Variants in RDH11 observed in about 807,000 individuals in gnomAD.
The protein encoded by RDH11 is HCV core-binding protein HCBP12.
A neutral mutation model predicts 33.4 loss-of-function variants in RDH11; 19 were observed. The observed-to-expected ratio is 0.57, with a 90% CI of 0.40 to 0.83. RDH11 has a LOEUF of 0.83. Ranked by LOEUF, RDH11 falls within the 40% of genes least tolerant of loss-of-function variation. The pLI, the probability that RDH11 is intolerant of heterozygous loss-of-function variation, is 0.00. For synonymous variants in RDH11, 154 were observed against 155.3 expected, an observed-to-expected ratio of 0.99 and a Z score of 0.06; for missense variants, 353 against 389.0, an observed-to-expected ratio of 0.91 and a Z score of 0.78.
At chr14:67,684,784 G>A (rs1025703753) in intron 6 of RDH11, 6 of 357,714 alleles carry the variant, frequency 1.7e-5, no homozygotes, top group African/African-American at 4.2e-5. Context: ...ACAAAGACAG[G>A]AAGAAAACAA....
chr14:67,687,001 T>G lies in RDH11; in HGVS notation c.665-1797A>C, dbSNP rs563165843. Among the ~76,000 whole-genome samples, 5 of 152,232 alleles carry G rather than the reference T, an allele frequency of 3.3e-5. No individual in the cohort carries two copies. In the East Asian group the frequency reaches 7.7e-4, roughly 24 times the overall value. ...GCAGACTCAGAGGTCCCAAATTGAT[T>G]TCTACTTTTAAAGCCAAACCTGGTT... On this transcript the variant is annotated intron_variant, in intron 5 of 6. Transcript: ENST00000381346.
At position 67,691,254 on chromosome 14, in the gene RDH11, C is replaced by A. The variant is rs186591725; in HGVS notation, c.350-10G>T. The A allele has an allele frequency of 6.2e-7, 1 of 1,602,558 alleles. No homozygotes were observed. The highest frequency in any genetic ancestry group is 8.5e-7 in the Non-Finnish European group (1 of 1,170,124). On this transcript the variant is annotated splice_polypyrimidine_tract_variant and intron_variant, in intron 3 of 6. Coordinates refer to ENST00000381346, the MANE Select transcript of RDH11 (RefSeq NM_016026.4). The stretch of plus-strand genomic sequence containing the variant: ...TGGAGGTGCTTTTCCTCTGCAGGGA[C>A]AAGACGATGGAGCGTGGAAGTGGCT...
At position 67,690,396 on chromosome 14, in the gene RDH11, C is replaced by T; in HGVS notation, c.480G>A (p.Leu160=). 6.2e-7 allele frequency: 1 copy of T among 1,614,148 alleles called. No individual in the cohort carries two copies. Among genetic ancestry groups the T allele is most frequent in the South Asian group, 1.1e-5 (1 of 91,084 alleles). Residue 160 remains leucine, a synonymous_variant, in exon 5 of 7, where the codon CTG becomes CTA. Transcript: ENST00000381346. ...GGGCTGATTCCTTTAGTTTCTCTAG[C>T]AGCAGATGGGTTAGGAGGAAGTGAC... The part of the protein sequence containing the change: ...HLGHFLLTHL[L]LEKLKESAPS...
rs1478957103 is a variant in RDH11, at chr14:67,695,655, G to A, written c.49C>T (p.Leu17=). The A allele has an allele frequency of 6.2e-7, 1 of 1,614,192 alleles. No homozygotes were observed. Among genetic ancestry groups the A allele is most frequent in the Non-Finnish European group, 8.5e-7 (1 of 1,180,020 alleles). Residue 17 remains leucine (L), a synonymous_variant, in exon 1 of 7, where the codon CTG becomes TTG. Transcript: ENST00000381346. ...PLLLLLLPFL[L]YMAAPQIRKM... is the part of the protein sequence containing the mutation. ...CTGATTTGGGGCGCAGCCATATACAGAAGGAAGGGCAGAAGGAGGAGCAAC... is the reference window on the plus strand; with the variant it reads ...CTGATTTGGGGCGCAGCCATATACAAAAGGAAGGGCAGAAGGAGGAGCAAC...
intron 5 of RDH11, chr14:67,686,285 C>A (rs1033503812): frequency 4.6e-5 from 7 of 152,216 alleles, no homozygotes; most frequent in African/African-American, 1.4e-4. Context: ...ATAATACTTA[C>A]AACCTCACAG....
intron 1 of RDH11, among the ~76,000 whole-genome samples, chr14:67,694,567 T>C (rs2037803571): frequency 6.6e-6 from 1 of 151,624 alleles, no homozygotes; most frequent in African/African-American, 2.4e-5. Flanking sequence ...CTATTTTCAG[T>C]TCTGGTTCAA....
intron 6 of RDH11, 123 bp downstream of exon 6, chr14:67,684,892 C>A: frequency 1.4e-6 from 1 of 692,404 alleles, no homozygotes; most frequent in Non-Finnish European, 2.3e-6. Flanking sequence ...GGTAAAAACT[C>A]TAGAGTTAAA....
chr14:67,680,907 C>T (rs2037607597), intron 6 of RDH11, among the ~76,000 whole-genome samples: 1 of 152,180 alleles, frequency 6.6e-6, no homozygotes, highest in Admixed American at 6.5e-5. Context: ...TAGTGTGATA[C>T]TGGCATAAGG....
rs1252395181 is a variant in RDH11, at chr14:67,677,060, ACT to A, written c.*1259_*1260del. On this transcript the variant is annotated 3_prime_UTR_variant, in exon 7 of 7. Coordinates refer to ENST00000381346, the MANE Select transcript of RDH11 (RefSeq NM_016026.4). ...CAGAAGTGAAGACTGTGGTCCTATAACTCTTTCCCCCACCAAAGTTAAAATAT... is the reference window on the plus strand; with the variant it reads ...CAGAAGTGAAGACTGTGGTCCTATAACTTTCCCCCACCAAAGTTAAAATAT... 6.6e-6 allele frequency: 1 copy of A among 152,144 alleles called. No homozygotes were observed. Among genetic ancestry groups the A allele is most frequent in the Non-Finnish European group, 1.5e-5 (1 of 68,028 alleles). The allele number at this position is 152,144 out of a possible 1,614,324, so 9.4% of individuals were successfully genotyped here.
chr14:67,678,619 C>T (rs759543020), intron 6 of RDH11, among the ~76,000 whole-genome samples, 196 bp from the exon 7 acceptor site: 2 of 152,194 alleles, frequency 1.3e-5, no homozygotes, highest in African/African-American at 2.4e-5. Context: ...TAGATCTCCT[C>T]GCTAGACCAC....
At chr14:67,686,142 A>G (rs1349967708) in intron 5 of RDH11, 1 of 152,160 alleles carries the variant, frequency 6.6e-6, no homozygotes, top group Non-Finnish European at 1.5e-5. Flanking sequence ...AGTCAACACA[A>G]TGTGGTGGTT....
intron 5 of RDH11, among the ~76,000 whole-genome samples, chr14:67,687,777 T>C (rs1410856560): frequency 4.7e-5 from 7 of 150,440 alleles, no homozygotes; most frequent in Non-Finnish European, 8.9e-5. Context: ...GGCCCTTTTT[T>C]TTTTTCATTT....
rs113620422 is a variant in RDH11 at position 67,695,090 on chromosome 14, A to G, written c.74+540T>C. On this transcript the variant is annotated intron_variant, in intron 1 of 6. Transcript: ENST00000381346. ...CTGCTCGCAAGGCAGGATAGAGCTC[A>G]TAACCAAACACTCTTCCTTTTCACT... 8.1e-4 allele frequency among the ~76,000 whole-genome samples: 123 copies of G among 152,308 alleles called. 2 individuals carry two copies. The highest frequency in any genetic ancestry group is 2.7e-3 in the African/African-American group (111 of 41,566).
chr14:67,690,216 T>C lies in RDH11; in HGVS notation c.660A>G (p.Leu220=). The change falls in exon 5 of 7, where the codon CTA becomes CTG. Residue 220 remains leucine (L), a synonymous_variant. Coordinates refer to ENST00000381346, the MANE Select transcript of RDH11 (RefSeq NM_016026.4). ...ATTCATTTCCTCTAGGCCCACCTTTTAGTCTCCGGGCCAGTTCCTGGGTGA... is the reference window on the plus strand; with the variant it reads ...ATTCATTTCCTCTAGGCCCACCTTTCAGTCTCCGGGCCAGTTCCTGGGTGA... ...ILFTQELARR[L]KGSGVTTYSV... 4 of 1,612,986 alleles carry C rather than the reference T, an allele frequency of 2.5e-6. No individual in the cohort carries two copies. Among genetic ancestry groups the C allele is most frequent in the Non-Finnish European group, 3.4e-6 (4 of 1,179,832 alleles).
chr14:67,690,868 A>G (rs2037741047), intron 4 of RDH11: 1 of 451,324 alleles, frequency 2.2e-6, no homozygotes, highest in Non-Finnish European at 4.0e-6. Context: ...AAGGATCACT[A>G]CTAAGAAAGC....
intron 1 of RDH11, among the ~76,000 whole-genome samples, chr14:67,694,595 A>G (rs2037803836): frequency 6.6e-6 from 1 of 151,054 alleles, no homozygotes; most frequent in African/African-American, 2.4e-5. Flanking sequence ...TTGAGATTCT[A>G]TGTGGATAAG....
intron 1 of RDH11, 87 bp downstream of exon 1, chr14:67,695,543 T>C: frequency 7.2e-7 from 1 of 1,384,594 alleles, no homozygotes; most frequent in Non-Finnish European, 9.9e-7. Flanking sequence ...CAGGGGAGTT[T>C]TCCAAGAAAG....
chr14:67,687,412 G>A (rs1037531953), intron 5 of RDH11, among the ~76,000 whole-genome samples: 6 of 140,338 alleles, frequency 4.3e-5, no homozygotes, highest in Non-Finnish European at 8.1e-5. Context: ...AACTGAGCCC[G>A]GACCTTTGTA....
chr14:67,677,070 C>T lies in RDH11; in HGVS notation c.*1251G>A, dbSNP rs553532336. The T allele has an allele frequency of 6.6e-6, 1 of 152,238 alleles. No homozygotes were observed. Among genetic ancestry groups the T allele is most frequent in the Non-Finnish European group, 1.5e-5 (1 of 67,996 alleles). The allele number at this position is 152,238 out of a possible 1,614,324, so 9.4% of individuals were successfully genotyped here. A position where few individuals can be genotyped will look rare whatever the true frequency, so the allele number is the denominator to read the frequency against. ...GACTGTGGTCCTATAACTCTTTCCCCCACCAAAGTTAAAATATAATTGTCA... is the reference window on the plus strand; with the variant it reads ...GACTGTGGTCCTATAACTCTTTCCCTCACCAAAGTTAAAATATAATTGTCA... On this transcript the variant is annotated 3_prime_UTR_variant, in exon 7 of 7. Coordinates refer to ENST00000381346, the MANE Select transcript of RDH11 (RefSeq NM_016026.4).
Sources: allele counts gnomAD v4.1 joint callset (sites outside exome capture counted in the v4.1 genomes callset), GRCh38; gene constraint gnomAD v4.1.1; transcripts MANE v1.5; gene names NCBI Gene and HGNC (gene_info 2026-07-23, HGNC 2026-07-21).